Variants in VIRMA observed in about 807,000 individuals in gnomAD.
VIRMA encodes the protein protein virilizer homolog.
VIRMA carries 65 observed loss-of-function variants against 182.4 expected under a neutral mutation model. The observed-to-expected ratio is 0.36, with a 90% CI of 0.29 to 0.44. The LOEUF (loss-of-function observed/expected upper bound fraction) is 0.44, where lower values mean the gene tolerates loss of function less well. Ranked by LOEUF, VIRMA falls within the 20% of genes least tolerant of loss-of-function variation. VIRMA has a pLI of 1.00. For missense variants in VIRMA, 1,752 were observed against 2,158.1 expected (o/e 0.81, Z 3.73); for synonymous variants, 709 against 743.1 (o/e 0.95, Z 0.75).
rs577129653 is a variant in VIRMA at position 94,506,194 on chromosome 8, A to G, written c.4097+306T>C. Among the ~76,000 whole-genome samples, 10 of 152,356 alleles carry G rather than the reference A, an allele frequency of 6.6e-5. No homozygotes were observed. The South Asian group carries it at 1.4e-3, about 22-fold the overall frequency. On this transcript the variant is annotated intron_variant, in intron 16 of 23. Transcript: ENST00000297591. ...AGCATCCATCACTTCTGAGGATACAACAACGAAACAAAGACCTTAAGGCAT... is the reference window on the plus strand; with the variant it reads ...AGCATCCATCACTTCTGAGGATACAGCAACGAAACAAAGACCTTAAGGCAT...
At position 94,526,246 on chromosome 8, in the gene VIRMA, A is replaced by G; in HGVS notation, c.1998T>C (p.Asp666=). The change falls in exon 8 of 24, where the codon GAT becomes GAC. Residue 666 remains aspartate (D), a synonymous_variant. Coordinates refer to ENST00000297591, the MANE Select transcript of VIRMA (RefSeq NM_015496.5). ...MARITGPPER[D]DPYPVLFRYL... Reference sequence around the variant, plus strand: ...ACCTAAAGAGAACAGGGTATGGATCATCCCTCTCTGGAGGTCCAGTAATTC... The same window carrying G: ...ACCTAAAGAGAACAGGGTATGGATCGTCCCTCTCTGGAGGTCCAGTAATTC... 6.2e-7 allele frequency: 1 copy of G among 1,612,562 alleles called. No homozygotes were observed. Among genetic ancestry groups the G allele is most frequent in the Non-Finnish European group, 8.5e-7 (1 of 1,179,278 alleles).
chr8:94,544,785 T>A (rs1815705044), intron 1 of VIRMA, among the ~76,000 whole-genome samples: 1 of 152,130 alleles, frequency 6.6e-6, no homozygotes, highest in South Asian at 2.1e-4. Flanking sequence ...TTTTTTGCCA[T>A]TTTTGAGTTT....
At chr8:94,536,360 A>T (rs76348121) in intron 4 of VIRMA, among the ~76,000 whole-genome samples, 1 of 152,234 alleles carries the variant, frequency 6.6e-6, no homozygotes, top group Admixed American at 6.5e-5. Flanking sequence ...ACCAGGTCAT[A>T]ATTATTTTTG....
intron 11 of VIRMA, chr8:94,512,370 T>C (rs1814409601): frequency 1.2e-5 from 2 of 171,022 alleles, no homozygotes; most frequent in South Asian, 4.0e-4. Context: ...AGAACAAAGA[T>C]AACATAAAGA....
intron 1 of VIRMA, among the ~76,000 whole-genome samples, chr8:94,552,680 T>C (rs929048752): frequency 1.3e-5 from 2 of 152,194 alleles, no homozygotes; most frequent in African/African-American, 4.8e-5. Flanking sequence ...GGGCCAATTG[T>C]ACATTAAGGG....
chr8:94,523,551 A>T (rs1400627414), intron 8 of VIRMA, among the ~76,000 whole-genome samples: 1 of 151,816 alleles, frequency 6.6e-6, no homozygotes, highest in Non-Finnish European at 1.5e-5. Context: ...CTGGGACTAC[A>T]GGCGCACACT....
chr8:94,488,586 T>TA lies in VIRMA; in HGVS notation c.*119dup. The TA allele has an allele frequency of 1.1e-6, 1 of 927,040 alleles. No individual in the cohort carries two copies. Among genetic ancestry groups the TA allele is most frequent in the Non-Finnish European group, 1.5e-6 (1 of 647,568 alleles). 57.4% of individuals were successfully genotyped at this position (927,040 alleles called of 1,614,324 possible). A position where few individuals can be genotyped will look rare whatever the true frequency, so the allele number is the denominator to read the frequency against. Reference sequence around the variant, plus strand: ...TCAAACAAATTCTGCTTTCTTCAGATAAAAATATTCTCTCAGATGTCTCCA... The same window carrying TA: ...TCAAACAAATTCTGCTTTCTTCAGATAAAAAATATTCTCTCAGATGTCTCCA... On this transcript the variant is annotated 3_prime_UTR_variant, in exon 24 of 24. Coordinates refer to ENST00000297591, the MANE Select transcript of VIRMA (RefSeq NM_015496.5).
chr8:94,491,483 T>C, intron 22 of VIRMA, 95 bp downstream of exon 22: 2 of 1,189,400 alleles, frequency 1.7e-6, no homozygotes, highest in Non-Finnish European at 2.4e-6. Flanking sequence ...ACAGGAAAAC[T>C]GTTTATCTGA....
At chr8:94,520,505 A>C (rs1333701680) in intron 8 of VIRMA, among the ~76,000 whole-genome samples, 1 of 152,182 alleles carries the variant, frequency 6.6e-6, no homozygotes, top group Non-Finnish European at 1.5e-5. Context: ...GTCTCAAAAA[A>C]AAAAGACAGA....
intron 22 of VIRMA, 44 bp downstream of exon 22, chr8:94,491,534 T>C (rs1813607470): frequency 2.7e-6 from 4 of 1,477,418 alleles, no homozygotes; most frequent in Admixed American, 1.9e-5. Context: ...TATTTTAACA[T>C]TCCAATATTC....
intron 23 of VIRMA, among the ~76,000 whole-genome samples, chr8:94,489,144 G>A (rs1183745073): frequency 6.6e-6 from 1 of 151,800 alleles, no homozygotes; most frequent in Non-Finnish European, 1.5e-5. Context: ...CTAGATAAAT[G>A]TTTTAAAAAA....
At chr8:94,509,653 T>C in intron 15 of VIRMA, 35 bp downstream of exon 15, 3 of 1,577,970 alleles carry the variant, frequency 1.9e-6, no homozygotes, top group South Asian at 1.2e-5. Flanking sequence ...CACATACACA[T>C]GCAGAGAGAG....
chr8:94,526,626 A>C lies in VIRMA; in HGVS notation c.1618T>G (p.Leu540Val). ...GYQKLLELIL[L>V]DQTVRVVTAG... ...GTAACAACCCTCACAGTCTGATCTA[A>C]AAGTATGAGTTCCAGAAGCTTTTGA... Residue 540 changes from leucine (L) to valine (V), a missense_variant, in exon 8 of 24, where the codon TTA (leucine) becomes GTA (valine). Physicochemically the swap from Leu to Val is conservative, Grantham distance 32. Transcript: ENST00000297591. 1 of 1,614,186 alleles carries C rather than the reference A, an allele frequency of 6.2e-7. No individual in the cohort carries two copies. The highest frequency in any genetic ancestry group is 8.5e-7 in the Non-Finnish European group (1 of 1,180,036).
intron 18 of VIRMA, 62 bp downstream of exon 18, chr8:94,496,266 T>C: frequency 7.1e-7 from 1 of 1,408,104 alleles, no homozygotes; most frequent in Non-Finnish European, 9.7e-7. Context: ...TACGAAATAC[T>C]TGTACTAGTC....
intron 1 of VIRMA, among the ~76,000 whole-genome samples, chr8:94,551,366 A>G (rs979143173): frequency 1.2e-4 from 19 of 152,232 alleles, no homozygotes; most frequent in African/African-American, 4.3e-4. Context: ...ATAAACCCCA[A>G]CGAATTCACA....
chr8:94,509,729 C>T lies in VIRMA; in HGVS notation c.3838G>A (p.Val1280Ile). ...PGDSVIRQQC[V>I]EYVTSILQSL... Reference sequence around the variant, plus strand: ...TGCAAAATGGATGTGACATATTCAACACACTGTTGGCGAATAACACTGTCT... The same window carrying T: ...TGCAAAATGGATGTGACATATTCAATACACTGTTGGCGAATAACACTGTCT... The change falls in exon 15 of 24, where the codon GTT becomes ATT. Residue 1280 changes from valine to isoleucine, a missense_variant. Transcript: ENST00000297591. The T allele has an allele frequency of 6.2e-7, 1 of 1,613,960 alleles. No individual in the cohort carries two copies. Among genetic ancestry groups the T allele is most frequent in the African/African-American group, 1.3e-5 (1 of 75,038 alleles).
chr8:94,507,515 G>C lies in VIRMA; in HGVS notation c.3880-798C>G, dbSNP rs138197693. Among the ~76,000 whole-genome samples, 187 of 151,944 alleles carry C rather than the reference G, an allele frequency of 1.2e-3. 1 individual carries two copies. The highest frequency in any genetic ancestry group is 4.3e-3 in the African/African-American group (178 of 41,496). ...CACACCTGTAATCCCAGCACTTTCA[G>C]AGGCCAAGGCAAGTGGATTACCTGA... On this transcript the variant is annotated intron_variant, in intron 15 of 23. Coordinates refer to ENST00000297591, the MANE Select transcript of VIRMA (RefSeq NM_015496.5).
chr8:94,511,798 AAAGTG>A, intron 12 of VIRMA, 69 bp from the exon 13 acceptor site: 1 of 910,256 alleles, frequency 1.1e-6, no homozygotes, highest in Non-Finnish European at 1.5e-6. Flanking sequence ...AAGAATTATT[AAAGTG>A]AATATTTAAT....
chr8:94,531,906 T>C (rs1291496677), intron 5 of VIRMA, among the ~76,000 whole-genome samples: 1 of 152,176 alleles, frequency 6.6e-6, no homozygotes, highest in Non-Finnish European at 1.5e-5. Flanking sequence ...AAGGAAATTA[T>C]GCTGAATGAA....
Sources: gnomAD v4.1 joint callset for allele counts (sites outside exome capture counted in the v4.1 genomes callset) on GRCh38, gnomAD v4.1.1 for gene constraint, MANE v1.5 for transcripts, NCBI Gene and HGNC (gene_info 2026-07-23, HGNC 2026-07-21) for gene names.